USP48: variants seen among roughly 807,000 people sequenced by gnomAD.
USP48 encodes the protein ubiquitin specific peptidase 48.
USP48 carries 43 observed loss-of-function variants against 150.7 expected under a neutral mutation model. The observed-to-expected ratio is 0.29, with a 90% CI of 0.22 to 0.37. The LOEUF (loss-of-function observed/expected upper bound fraction) is 0.37, where lower values mean the gene tolerates loss of function less well. Among genes scored for constraint, USP48 ranks in the 10% least tolerant of loss-of-function variants. The pLI is 1.00. For synonymous variants in USP48, 396 were observed against 425.9 expected (o/e 0.93, Z 0.86); for missense variants, 813 against 1,249.6 (o/e 0.65, Z 5.27).
chr1:21,751,991 T>G lies in USP48; in HGVS notation c.666-376A>C, dbSNP rs964404917. 2.1e-5 allele frequency among the ~76,000 whole-genome samples: 3 copies of G among 141,890 alleles called. No homozygotes were observed. In the South Asian group the frequency reaches 6.5e-4, roughly 31 times the overall value. The allele number at this position is 141,890 out of a possible 152,430, so 93.1% of individuals were successfully genotyped here. On this transcript the variant is annotated intron_variant, in intron 5 of 26. Transcript: ENST00000308271. ...CAAGATCACGCCACTGCACTCATCC[T>G]GGGCAACAGAGCAAGAGTCCATCTC...
intron 8 of USP48, among the ~76,000 whole-genome samples, chr1:21,738,047 C>T (rs1030979946): frequency 2.6e-5 from 4 of 151,746 alleles, no homozygotes; most frequent in Non-Finnish European, 5.9e-5. Context: ...GACAGGTGTA[C>T]ATTTTTATTT....
intron 25 of USP48, among the ~76,000 whole-genome samples, chr1:21,682,299 T>C (rs529416591): frequency 6.6e-6 from 1 of 152,302 alleles, no homozygotes; most frequent in East Asian, 1.9e-4. Flanking sequence ...CTTTCCCTCC[T>C]ACTTCTAGAT....
At chr1:21,750,857 G>A (rs2097810345) in intron 6 of USP48, among the ~76,000 whole-genome samples, 1 of 151,344 alleles carries the variant, frequency 6.6e-6, no homozygotes, top group African/African-American at 2.4e-5. Context: ...ATTCCAGCCT[G>A]GGCAACAAGA....
intron 8 of USP48, among the ~76,000 whole-genome samples, chr1:21,742,440 A>G (rs2097784035): frequency 6.6e-6 from 1 of 151,912 alleles, no homozygotes; most frequent in Non-Finnish European, 1.5e-5. Flanking sequence ...GCTACCCGAG[A>G]GGCTGAGGCA....
intron 19 of USP48, among the ~76,000 whole-genome samples, chr1:21,704,836 T>TGTGG (rs1303553014): frequency 2.0e-5 from 3 of 152,098 alleles, no homozygotes; most frequent in Non-Finnish European, 1.5e-5. Context: ...GGATAAGCAC[T>TGTGG]GTGGGGCCTT....
At chr1:21,730,259 A>G (rs1348392248) in intron 9 of USP48, among the ~76,000 whole-genome samples, 1 of 152,060 alleles carries the variant, frequency 6.6e-6, no homozygotes, top group Non-Finnish European at 1.5e-5. Context: ...TGGCCAAAAC[A>G]TGGAGAAGCC....
At chr1:21,747,529 G>A (rs2097797428) in intron 7 of USP48, among the ~76,000 whole-genome samples, 1 of 151,798 alleles carries the variant, frequency 6.6e-6, no homozygotes, top group East Asian at 1.9e-4. Flanking sequence ...TAAAATAAAG[G>A]ACAATACAGA....
intron 1 of USP48, among the ~76,000 whole-genome samples, chr1:21,768,008 C>G (rs34765147): frequency 1.3e-4 from 20 of 151,980 alleles, no homozygotes; most frequent in Admixed American, 2.6e-4. Flanking sequence ...GAGATCGAGA[C>G]CATCCTGGCT....
At chr1:21,730,659 G>T (rs1366034421) in intron 9 of USP48, among the ~76,000 whole-genome samples, 2 of 151,816 alleles carry the variant, frequency 1.3e-5, no homozygotes, top group African/African-American at 2.4e-5. Flanking sequence ...CTCCTGTCTG[G>T]GGGACAGAGT....
intron 23 of USP48, among the ~76,000 whole-genome samples, chr1:21,690,332 A>AGATGCGTT (rs2097594281): frequency 6.6e-6 from 1 of 152,052 alleles, no homozygotes; most frequent in Non-Finnish European, 1.5e-5. Flanking sequence ...TTACACATAT[A>AGATGCGTT]GATGCGTTTG....
chr1:21,769,800 A>G (rs1321958808), intron 1 of USP48, among the ~76,000 whole-genome samples: 1 of 152,160 alleles, frequency 6.6e-6, no homozygotes, highest in Non-Finnish European at 1.5e-5. Flanking sequence ...CCACTTAGAC[A>G]GACCCCAGAG....
At chr1:21,747,877 C>A (rs1481233329) in intron 7 of USP48, among the ~76,000 whole-genome samples, 1 of 152,138 alleles carries the variant, frequency 6.6e-6, no homozygotes, top group Non-Finnish European at 1.5e-5. Context: ...CCGGCCCTTG[C>A]AGTTTTTAAT....
intron 14 of USP48, among the ~76,000 whole-genome samples, chr1:21,719,694 C>T (rs1475475187): frequency 1.3e-5 from 2 of 152,148 alleles, no homozygotes; most frequent in Non-Finnish European, 2.9e-5. Context: ...ATGGTGAAAC[C>T]CTGTCTCTTC....
At chr1:21,780,485 A>C (rs1388135654) in intron 1 of USP48, among the ~76,000 whole-genome samples, 1 of 152,184 alleles carries the variant, frequency 6.6e-6, no homozygotes, top group Non-Finnish European at 1.5e-5. Context: ...TGGTTGTACA[A>C]CACTATAAAG....
In USP48 at chr1:21,723,933, A is replaced by G; in HGVS notation, c.1613T>C (p.Phe538Ser). 6.2e-7 allele frequency: 1 copy of G among 1,614,152 alleles called. No individual in the cohort carries two copies. The highest frequency in any genetic ancestry group is 8.5e-7 in the Non-Finnish European group (1 of 1,180,012). Reference sequence around the variant, plus strand: ...TGGACCTCCTCCATATCTACTATAGAAAATGTCAGCTGCATATTCAGATAT... The same window carrying G: ...TGGACCTCCTCCATATCTACTATAGGAAATGTCAGCTGCATATTCAGATAT... ...KRISEYAADI[F>S]YSRYGGGPRL... The change falls in exon 12 of 27, where the codon TTC becomes TCC. Residue 538 changes from phenylalanine (F) to serine (S), a missense_variant. Physicochemically the swap from Phe to Ser is radical, Grantham distance 155 (BLOSUM62 -2). Transcript: ENST00000308271.
chr1:21,715,532 TC>T, intron 14 of USP48, 75 bp from the exon 15 acceptor site: 5 of 893,678 alleles, frequency 5.6e-6, no homozygotes, highest in Non-Finnish European at 8.6e-6. Flanking sequence ...GATATACTAC[TC>T]TGCACAATTT....
intron 11 of USP48, among the ~76,000 whole-genome samples, chr1:21,726,819 A>G (rs1420986670): frequency 2.0e-5 from 3 of 152,210 alleles, no homozygotes; most frequent in Non-Finnish European, 4.4e-5. Context: ...GGACATAATC[A>G]ACTCCAAATG....
At chr1:21,754,366 A>G (rs1364159425) in intron 3 of USP48, among the ~76,000 whole-genome samples, 2 of 152,168 alleles carry the variant, frequency 1.3e-5, no homozygotes, top group Non-Finnish European at 2.9e-5. Context: ...TTCACACTTA[A>G]GTGAAGAATA....
intron 9 of USP48, among the ~76,000 whole-genome samples, chr1:21,735,493 G>C (rs1557528635): frequency 6.6e-6 from 1 of 152,198 alleles, no homozygotes; most frequent in Admixed American, 6.5e-5. Context: ...GTTCACACCT[G>C]TAATCCCAGC....
Sources: gnomAD v4.1 joint callset for allele counts (sites outside exome capture counted in the v4.1 genomes callset) on GRCh38, gnomAD v4.1.1 for gene constraint, MANE v1.5 for transcripts, NCBI Gene and HGNC (gene_info 2026-07-23, HGNC 2026-07-21) for gene names.